The following PCDHA1 variants were observed in gnomAD, a reference collection of about 807,000 sequenced individuals.
PCDHA1 encodes protocadherin alpha 1.
PCDHA1 carries 42 observed loss-of-function variants against 61.3 expected under a neutral mutation model. That is an observed-to-expected ratio of 0.69 (90% CI 0.54 to 0.89). The LOEUF (loss-of-function observed/expected upper bound fraction) is 0.89, where lower values mean the gene tolerates loss of function less well. Ranked by LOEUF, PCDHA1 falls within the 40% of genes least tolerant of loss-of-function variation. The pLI, the probability that PCDHA1 is intolerant of heterozygous loss-of-function variation, is 0.00. For synonymous variants in PCDHA1, 610 were observed against 553.8 expected (o/e 1.10, Z -1.43); for missense variants, 1,256 against 1,235.3 (o/e 1.02, Z -0.25).
At chr5:140,927,166 G>A in intron 1 of PCDHA1, 1 of 1,614,188 alleles carries the variant, frequency 6.2e-7, no homozygotes. Context: ...GGCCAAAGCT[G>A]CCTGCGTCTT....
At chr5:140,869,669 T>C (rs1461591468) in intron 1 of PCDHA1, 49 of 1,613,358 alleles carry the variant, frequency 3.0e-5, no homozygotes, top group Non-Finnish European at 4.1e-5. Context: ...GGTAAGCAGA[T>C]TAAAAGACTG....
At chr5:140,983,457 G>A (rs1354592991) in intron 3 of PCDHA1, among the ~76,000 whole-genome samples, 4 of 152,182 alleles carry the variant, frequency 2.6e-5, no homozygotes, top group Non-Finnish European at 4.4e-5. Flanking sequence ...TCTATTAATA[G>A]AACATCATGA....
chr5:140,823,347 C>T, intron 1 of PCDHA1: 17 of 1,612,418 alleles, frequency 1.1e-5, no homozygotes, highest in Non-Finnish European at 1.4e-5. Flanking sequence ...CGCTGGACCA[C>T]GAGGAAGTGG....
chr5:140,966,428 C>T (rs1297076694), intron 1 of PCDHA1: 6 of 423,554 alleles, frequency 1.4e-5, no homozygotes, highest in Non-Finnish European at 1.2e-5. Flanking sequence ...TTGCTGAGCC[C>T]TCCTACCGCT....
At chr5:140,839,060 G>C (rs1253852063) in intron 1 of PCDHA1, among the ~76,000 whole-genome samples, 1 of 151,930 alleles carries the variant, frequency 6.6e-6, no homozygotes, top group Admixed American at 6.6e-5. Context: ...TAAGGATAGA[G>C]GTATGCAAAG....
intron 3 of PCDHA1, among the ~76,000 whole-genome samples, chr5:140,985,392 C>T (rs1329580146): frequency 6.6e-6 from 1 of 152,172 alleles, no homozygotes; most frequent in Non-Finnish European, 1.5e-5. Context: ...CCAGTCACCC[C>T]AACTGTTCCC....
chr5:140,856,181 G>T lies in PCDHA1; in HGVS notation c.2394+67497G>T, dbSNP rs781803033. 1.1e-5 allele frequency: 18 copies of T among 1,598,112 alleles called. 2 individuals are homozygous for T. Among genetic ancestry groups the T allele is most frequent in the Middle Eastern group, 3.4e-4 (2 of 5,944 alleles). On this transcript the variant is annotated intron_variant, in intron 1 of 3. Coordinates refer to ENST00000504120, the MANE Select transcript of PCDHA1 (RefSeq NM_018900.4). Reference sequence around the variant, plus strand: ...GGAGGCCAGACACGGCACCTTCGTGGGCCGCATCGCGCAGGACCTGGGGCT... The same window carrying T: ...GGAGGCCAGACACGGCACCTTCGTGTGCCGCATCGCGCAGGACCTGGGGCT...
At chr5:140,803,642 C>T in intron 1 of PCDHA1, 5 of 1,613,154 alleles carry the variant, frequency 3.1e-6, no homozygotes, top group Non-Finnish European at 3.4e-6. Context: ...TTTCATTCCT[C>T]AATGTTTCCA....
At chr5:140,795,884 A>G (rs1554119607) in intron 1 of PCDHA1, 8 of 1,614,054 alleles carry the variant, frequency 5.0e-6, no homozygotes, top group Non-Finnish European at 6.8e-6. Flanking sequence ...ACTAAGGGAA[A>G]ATTAGATTAT....
At chr5:140,909,632 A>G (rs781948813) in intron 1 of PCDHA1, among the ~76,000 whole-genome samples, 3 of 152,038 alleles carry the variant, frequency 2.0e-5, no homozygotes, top group South Asian at 2.1e-4. Flanking sequence ...TGGTCTTCCT[A>G]TTTTGTCTTT....
chr5:140,943,632 G>A (rs1351799858), intron 1 of PCDHA1, among the ~76,000 whole-genome samples: 1 of 152,098 alleles, frequency 6.6e-6, no homozygotes, highest in Non-Finnish European at 1.5e-5. Flanking sequence ...AAGGAAGCTG[G>A]ATTATGGATA....
In PCDHA1 at chr5:140,876,702, C is replaced by A. The variant is rs1554168805; in HGVS notation, c.2394+88018C>A. 6.2e-7 allele frequency: 1 copy of A among 1,614,242 alleles called. No homozygotes were observed. Among genetic ancestry groups the A allele is most frequent in the Admixed American group, 1.7e-5 (1 of 60,028 alleles). The stretch of plus-strand genomic sequence containing the variant: ...AGAATTACTACTCGTTGGTGCTGGA[C>A]AGCGCCCTGGACCGCGAGAGCGTGT... On this transcript the variant is annotated intron_variant, in intron 1 of 3. Coordinates refer to ENST00000504120, the MANE Select transcript of PCDHA1 (RefSeq NM_018900.4).
At chr5:140,804,887 C>A in intron 1 of PCDHA1, 2 of 638,802 alleles carry the variant, frequency 3.1e-6, no homozygotes, top group South Asian at 6.0e-5. Context: ...GACTCCTCTC[C>A]TTCCCCTCAC....
intron 1 of PCDHA1, chr5:140,869,568 G>C (rs1554163237): frequency 6.2e-7 from 1 of 1,614,168 alleles, no homozygotes; most frequent in East Asian, 2.2e-5. Context: ...TTCCACTAGA[G>C]GGAGCTTCTG....
intron 1 of PCDHA1, chr5:140,801,653 T>C (rs782567661): frequency 1.2e-6 from 2 of 1,614,190 alleles, no homozygotes; most frequent in Non-Finnish European, 1.7e-6. Context: ...GCTCTCGGTT[T>C]TCGCTAGAGG....
At chr5:140,840,754 G>A (rs1776856171) in intron 1 of PCDHA1, among the ~76,000 whole-genome samples, 1 of 152,010 alleles carries the variant, frequency 6.6e-6, no homozygotes. Flanking sequence ...AAGAACACAA[G>A]AAGATAAAAT....
chr5:140,926,881 C>G, intron 1 of PCDHA1: 1 of 1,541,960 alleles, frequency 6.5e-7, no homozygotes, highest in Non-Finnish European at 8.8e-7. Context: ...AACGTGGACG[C>G]CTAGAGGGAG....
chr5:140,875,629 G>A, intron 1 of PCDHA1: 1 of 1,613,758 alleles, frequency 6.2e-7, no homozygotes, highest in Non-Finnish European at 8.5e-7. Flanking sequence ...TCAGGACCTG[G>A]GGCTGGAGCT....
chr5:140,802,944 C>A (rs375111738), intron 1 of PCDHA1: 14 of 1,613,866 alleles, frequency 8.7e-6, no homozygotes, highest in African/African-American at 5.3e-5. Flanking sequence ...GCTGGTGCCG[C>A]GGTCAGTGGG....
Sources: allele counts gnomAD v4.1 joint callset (sites outside exome capture counted in the v4.1 genomes callset), GRCh38; gene constraint gnomAD v4.1.1; transcripts MANE v1.5; gene names NCBI Gene and HGNC (gene_info 2026-07-23, HGNC 2026-07-21).